SEC23A: variants seen among roughly 807,000 people sequenced by gnomAD.
The protein encoded by SEC23A is SEC23 homolog A, COPII component, also known as protein transport protein Sec23A.
A neutral mutation model predicts 103.7 loss-of-function variants in SEC23A; 56 were observed. The ratio of observed to expected loss-of-function variants is 0.54; its 90% confidence interval spans 0.44 to 0.67. SEC23A has a LOEUF of 0.67. Ranked by LOEUF, SEC23A falls within the 30% of genes least tolerant of loss-of-function variation. SEC23A has a pLI of 0.00. For synonymous variants in SEC23A, 281 were observed against 293.0 expected, an observed-to-expected ratio of 0.96 and a Z score of 0.42; for missense variants, 784 against 936.4, an observed-to-expected ratio of 0.84 and a Z score of 2.12.
chr14:39,044,393 A>G (rs1438163962), intron 16 of SEC23A, among the ~76,000 whole-genome samples: 1 of 152,158 alleles, frequency 6.6e-6, no homozygotes, highest in Non-Finnish European at 1.5e-5. Context: ...TCCTAGAAAA[A>G]TAGAAACTAT....
At chr14:39,072,882 CT>C (rs745479607) in intron 9 of SEC23A, among the ~76,000 whole-genome samples, 54 of 152,276 alleles carry the variant, frequency 3.5e-4, no homozygotes, top group Non-Finnish European at 7.1e-4. Context: ...AATCCTCATA[CT>C]TTGGTAATGG....
At chr14:39,036,048 C>T (rs1167816446) in intron 19 of SEC23A, among the ~76,000 whole-genome samples, 1 of 152,058 alleles carries the variant, frequency 6.6e-6, no homozygotes, top group Non-Finnish European at 1.5e-5. Context: ...CTCCCAGGCA[C>T]AGTGGCTCAC....
intron 9 of SEC23A, among the ~76,000 whole-genome samples, chr14:39,071,628 G>A (rs748705207): frequency 6.6e-5 from 10 of 152,092 alleles, no homozygotes; most frequent in Non-Finnish European, 1.3e-4. Context: ...ACTTTCGGAG[G>A]CCGAGGAAGG....
At chr14:39,089,061 C>CT (rs1887565437) in intron 5 of SEC23A, among the ~76,000 whole-genome samples, 1 of 150,374 alleles carries the variant, frequency 6.7e-6, no homozygotes, top group African/African-American at 2.5e-5. Flanking sequence ...GTAGTCCCAG[C>CT]TACTCGGGAG....
intron 7 of SEC23A, among the ~76,000 whole-genome samples, chr14:39,080,493 G>A (rs1887187731): frequency 6.6e-6 from 1 of 152,118 alleles, no homozygotes; most frequent in Admixed American, 6.6e-5. Flanking sequence ...TGCAACCTCT[G>A]TCCACGGGTT....
intron 14 of SEC23A, among the ~76,000 whole-genome samples, chr14:39,053,249 A>C (rs1207025693): frequency 6.6e-6 from 1 of 152,236 alleles, no homozygotes; most frequent in Admixed American, 6.5e-5. Flanking sequence ...TGTGTATAAT[A>C]AGCTGAAAAA....
intron 9 of SEC23A, among the ~76,000 whole-genome samples, chr14:39,069,728 A>T (rs888821551): frequency 6.6e-6 from 1 of 152,108 alleles, no homozygotes; most frequent in Non-Finnish European, 1.5e-5. Context: ...CCAAAGTGCT[A>T]GGATTACACA....
chr14:39,059,055 TC>T (rs919608727), intron 13 of SEC23A, among the ~76,000 whole-genome samples: 2 of 151,940 alleles, frequency 1.3e-5, no homozygotes, highest in African/African-American at 4.8e-5. Context: ...GCTCTTAAAG[TC>T]AAGTTTAAAG....
At chr14:39,041,868 CAAA>C (rs773512856) in intron 17 of SEC23A, among the ~76,000 whole-genome samples, 2 of 88,772 alleles carry the variant, frequency 2.3e-5, no homozygotes. Context: ...GACTGAGTCT[CAAA>C]AAAAAAAAAA....
rs191338045 is a variant in SEC23A at position 39,072,251 on chromosome 14, A to G, written c.1103+2164T>C. Among the ~76,000 whole-genome samples the G allele has an allele frequency of 2.2e-3, 342 of 152,200 alleles. 3 individuals carry two copies. Among genetic ancestry groups the G allele is most frequent in the African/African-American group, 7.6e-3 (315 of 41,528 alleles). On this transcript the variant is annotated intron_variant, in intron 9 of 19. Transcript: ENST00000307712. Reference sequence around the variant, plus strand: ...TGTCTCAAAAAAAAAAAAGTGAGGGAAAAAACCCATAAGAGAAAATATCTG... The same window carrying G: ...TGTCTCAAAAAAAAAAAAGTGAGGGGAAAAACCCATAAGAGAAAATATCTG...
chr14:39,050,800 AAAGAAAGG>A (rs1215513923), intron 14 of SEC23A, among the ~76,000 whole-genome samples: 1 of 119,880 alleles, frequency 8.3e-6, no homozygotes, highest in Non-Finnish European at 2.0e-5. Context: ...CAAAAGAAGG[AAAGAAAGG>A]AAGAAAGAAA....
chr14:39,097,478 G>A (rs1285973484), intron 1 of SEC23A, among the ~76,000 whole-genome samples: 1 of 152,186 alleles, frequency 6.6e-6, no homozygotes, highest in Non-Finnish European at 1.5e-5. Flanking sequence ...TAAAATTTAA[G>A]TGAAGAAAGA....
intron 7 of SEC23A, among the ~76,000 whole-genome samples, chr14:39,077,903 A>AG (rs199774583): frequency 1.5e-3 from 225 of 152,352 alleles, no homozygotes; most frequent in African/African-American, 5.1e-3. Flanking sequence ...ACTGTACTCC[A>AG]GCCAGGATGA....
intron 8 of SEC23A, 76 bp from the exon 9 acceptor site, chr14:39,074,606 G>T: frequency 3.9e-6 from 3 of 772,074 alleles, no homozygotes; most frequent in East Asian, 5.7e-5. Context: ...AGATCAAAAT[G>T]ATCTAAGGAC....
At chr14:39,056,803 T>C (rs1003278273) in intron 13 of SEC23A, among the ~76,000 whole-genome samples, 4 of 152,180 alleles carry the variant, frequency 2.6e-5, no homozygotes, top group Non-Finnish European at 5.9e-5. Flanking sequence ...AGTTTTAGTA[T>C]AGCATTCACT....
chr14:39,054,869 A>T (rs1463388922), intron 14 of SEC23A, among the ~76,000 whole-genome samples: 1 of 152,252 alleles, frequency 6.6e-6, no homozygotes, highest in African/African-American at 2.4e-5. Flanking sequence ...TTAAATTGGG[A>T]ACTAACCTCA....
intron 5 of SEC23A, chr14:39,087,790 C>G (rs999568948): frequency 2.6e-5 from 4 of 152,158 alleles, no homozygotes; most frequent in African/African-American, 9.7e-5. Flanking sequence ...TTAGCAGAAA[C>G]AGCAACTCTT....
rs1444816828 is a variant in SEC23A at position 39,031,961 on chromosome 14, G to C, written c.*1278C>G. The C allele has an allele frequency of 6.6e-6, 1 of 152,558 alleles. No homozygotes were observed. The highest frequency in any genetic ancestry group is 2.4e-5 in the African/African-American group (1 of 41,436). The allele number at this position is 152,558 out of a possible 1,614,324, so 9.5% of individuals were successfully genotyped here. A position where few individuals can be genotyped will look rare whatever the true frequency, so the allele number is the denominator to read the frequency against. ...TTTATTGGCATTTAGGCCTAGCGTA[G>C]TTCAATTCAAATAAAATATAACAAA... On this transcript the variant is annotated 3_prime_UTR_variant, in exon 20 of 20. Transcript: ENST00000307712.
At chr14:39,050,506 G>A (rs1199778097) in intron 14 of SEC23A, among the ~76,000 whole-genome samples, 1 of 152,218 alleles carries the variant, frequency 6.6e-6, no homozygotes, top group Non-Finnish European at 1.5e-5. Flanking sequence ...TAAGACAGAA[G>A]ATTTCCTGAG....
Sources: allele counts gnomAD v4.1 joint callset (sites outside exome capture counted in the v4.1 genomes callset), GRCh38; gene constraint gnomAD v4.1.1; transcripts MANE v1.5; gene names NCBI Gene and HGNC (gene_info 2026-07-23, HGNC 2026-07-21).